Variants in CDH12 observed in about 807,000 individuals in gnomAD.
The protein encoded by CDH12 is cadherin-12.
Under a neutral mutation model 74.1 loss-of-function variants are expected in CDH12, and 41 were observed. The ratio of observed to expected loss-of-function variants is 0.55; its 90% CI spans 0.43 to 0.72. CDH12 has a LOEUF of 0.72. Among genes scored for constraint, CDH12 ranks in the 30% least tolerant of loss-of-function variants. The probability of loss-of-function intolerance (pLI) is 0.00; values close to 1 mark genes in which losing one functional copy is unlikely to be tolerated. For missense variants in CDH12, 945 were observed against 977.2 expected, an observed-to-expected ratio of 0.97 and a Z score of 0.44; for synonymous variants, 399 against 355.0, an observed-to-expected ratio of 1.12 and a Z score of -1.39.
At chr5:22,343,315 C>G (rs1038632551) in intron 3 of CDH12, among the ~76,000 whole-genome samples, 4 of 123,348 alleles carry the variant, frequency 3.2e-5, no homozygotes, top group Non-Finnish European at 4.9e-5. Flanking sequence ...CACACACAGA[C>G]ACACACACAG....
chr5:22,046,635 A>G (rs1739978794), intron 5 of CDH12, among the ~76,000 whole-genome samples: 1 of 152,004 alleles, frequency 6.6e-6, no homozygotes, highest in Admixed American at 6.6e-5. Context: ...ATCAAAATCT[A>G]AAATATATAT....
chr5:22,166,853 T>C (rs536492649), intron 4 of CDH12, among the ~76,000 whole-genome samples: 3 of 152,170 alleles, frequency 2.0e-5, no homozygotes, highest in African/African-American at 7.2e-5. Context: ...ATATCTTATA[T>C]TATTTTAAAA....
At chr5:22,378,695 C>A (rs1322484504) in intron 3 of CDH12, among the ~76,000 whole-genome samples, 30 of 151,950 alleles carry the variant, frequency 2.0e-4, no homozygotes, top group Admixed American at 2.0e-3. Flanking sequence ...AGCCAATAAT[C>A]TTTTCTAAAT....
At chr5:22,273,320 T>A (rs1736488889) in intron 3 of CDH12, among the ~76,000 whole-genome samples, 1 of 152,204 alleles carries the variant, frequency 6.6e-6, no homozygotes, top group Non-Finnish European at 1.5e-5. Context: ...GAGCCCATGA[T>A]GTTGGAAATA....
intron 3 of CDH12, among the ~76,000 whole-genome samples, chr5:22,271,433 C>T (rs887982381): frequency 2.0e-5 from 3 of 152,166 alleles, no homozygotes; most frequent in Non-Finnish European, 4.4e-5. Context: ...CCCTCAAAAT[C>T]GTCCATGAGG....
intron 3 of CDH12, among the ~76,000 whole-genome samples, chr5:22,367,578 C>T (rs1482784974): frequency 6.6e-6 from 1 of 152,102 alleles, no homozygotes; most frequent in Admixed American, 6.6e-5. Context: ...CACCCAATGA[C>T]CCTTGGTCAT....
intron 1 of CDH12, among the ~76,000 whole-genome samples, chr5:22,579,924 A>C (rs975761561): frequency 1.3e-5 from 2 of 152,140 alleles, no homozygotes; most frequent in African/African-American, 4.8e-5. Flanking sequence ...GACCTTATGC[A>C]TTGACCTCTT....
At chr5:22,312,860 G>A (rs562884798) in intron 3 of CDH12, among the ~76,000 whole-genome samples, 1 of 152,256 alleles carries the variant, frequency 6.6e-6, no homozygotes, top group African/African-American at 2.4e-5. Context: ...ACATAAACAA[G>A]TAGAAAAATA....
intron 1 of CDH12, among the ~76,000 whole-genome samples, chr5:22,559,031 C>A (rs574953096): frequency 2.0e-5 from 3 of 152,064 alleles, no homozygotes; most frequent in Non-Finnish European, 4.4e-5. Context: ...TCACAGCCTC[C>A]TTTTCTATCT....
At chr5:22,262,003 T>C (rs906921758) in intron 3 of CDH12, among the ~76,000 whole-genome samples, 3 of 152,028 alleles carry the variant, frequency 2.0e-5, no homozygotes, top group South Asian at 2.1e-4. Flanking sequence ...AAAAATACGA[T>C]ACAAATCTCA....
chr5:22,604,933 A>C (rs1737024027), intron 1 of CDH12, among the ~76,000 whole-genome samples: 1 of 152,146 alleles, frequency 6.6e-6, no homozygotes, highest in Non-Finnish European at 1.5e-5. Context: ...GGTCAGTGAC[A>C]CTCATGGGAG....
At chr5:21,913,997 T>C (rs776659333) in intron 6 of CDH12, among the ~76,000 whole-genome samples, 1 of 152,214 alleles carries the variant, frequency 6.6e-6, no homozygotes, top group Non-Finnish European at 1.5e-5. Context: ...TTTCATACTT[T>C]GAAAGTATAG....
chr5:21,957,337 C>G (rs1256970115), intron 6 of CDH12, among the ~76,000 whole-genome samples: 2 of 152,086 alleles, frequency 1.3e-5, no homozygotes, highest in African/African-American at 4.8e-5. Context: ...GAGGTGGATT[C>G]TATGTCTTTG....
chr5:21,977,954 C>G (rs1055494453), intron 5 of CDH12, among the ~76,000 whole-genome samples: 60 of 136,086 alleles, frequency 4.4e-4, no homozygotes, highest in African/African-American at 2.0e-3. Context: ...AGTGTTAATG[C>G]TGATTAATTA....
At position 22,137,402 on chromosome 5, in the gene CDH12, C is replaced by G. The variant is rs527873599; in HGVS notation, c.-186-58540G>C. Among the ~76,000 whole-genome samples, 9 of 152,108 alleles carry G rather than the reference C, an allele frequency of 5.9e-5. No homozygotes were observed. The South Asian group carries it at 1.9e-3, about 32-fold the overall frequency. On this transcript the variant is annotated intron_variant, in intron 4 of 14. Transcript: ENST00000382254. ...TTGAGTCTTTTGGGATTGATAGTCT[C>G]TCTCCCTCTCTCTGGATGCTGCTTT...
At chr5:21,833,827 C>T (rs1209192204) in intron 8 of CDH12, among the ~76,000 whole-genome samples, 1 of 151,672 alleles carries the variant, frequency 6.6e-6, no homozygotes, top group Non-Finnish European at 1.5e-5. Flanking sequence ...TATGGGATCC[C>T]AAGGGATTCT....
At chr5:22,037,669 G>A (rs947522491) in intron 5 of CDH12, among the ~76,000 whole-genome samples, 4 of 152,118 alleles carry the variant, frequency 2.6e-5, no homozygotes, top group Admixed American at 6.5e-5. Flanking sequence ...CTAACTCACC[G>A]GTATTAGAAA....
intron 2 of CDH12, among the ~76,000 whole-genome samples, chr5:22,477,333 T>C (rs1746207999): frequency 6.6e-6 from 1 of 152,132 alleles, no homozygotes; most frequent in Non-Finnish European, 1.5e-5. Flanking sequence ...TGAGAACATG[T>C]GGTTTTTGGT....
In CDH12 at chr5:22,340,525, C is replaced by CAAA. The variant is rs35157556; in HGVS notation, c.-333+64729_-333+64731dup. ...TGGGCAACAGAAGGAGACTCCGTCT[C>CAAA]AAAAAAAAAAAAAAAATCTGTTTTT... On this transcript the variant is annotated intron_variant, in intron 3 of 14. Coordinates refer to ENST00000382254, the MANE Select transcript of CDH12 (RefSeq NM_004061.5). Among the ~76,000 whole-genome samples the CAAA allele has an allele frequency of 3.2e-4, 42 of 130,564 alleles. 1 individual carries two copies. Among genetic ancestry groups the CAAA allele is most frequent in the East Asian group, 1.1e-3 (5 of 4,538 alleles). 85.7% of individuals were successfully genotyped at this position (130,564 alleles called of 152,430 possible).
Sources: gnomAD v4.1 joint callset for allele counts (sites outside exome capture counted in the v4.1 genomes callset) on GRCh38, gnomAD v4.1.1 for gene constraint, MANE v1.5 for transcripts, NCBI Gene and HGNC (gene_info 2026-07-23, HGNC 2026-07-21) for gene names.